SLU7: variants seen among roughly 807,000 people sequenced by gnomAD.
The protein encoded by SLU7 is spliceosome associated SLU7.
SLU7 carries 60 observed loss-of-function variants against 87.0 expected under a neutral mutation model. The observed-to-expected ratio is 0.69, with a 90% confidence interval of 0.56 to 0.86. SLU7 has a LOEUF of 0.86. Among genes scored for constraint, SLU7 ranks in the 40% least tolerant of loss-of-function variants. The pLI, the probability that SLU7 is intolerant of heterozygous loss-of-function variation, is 0.00. For synonymous variants in SLU7, 197 were observed against 222.0 expected (o/e 0.89, Z 1.00); for missense variants, 507 against 686.6 (o/e 0.74, Z 2.92).
intron 2 of SLU7, among the ~76,000 whole-genome samples, 167 bp from the exon 3 acceptor site, chr5:160,414,639 A>G (rs1272990516): frequency 6.6e-6 from 1 of 152,210 alleles, no homozygotes; most frequent in African/African-American, 2.4e-5. Flanking sequence ...ATAATTAAAA[A>G]TAAAGAAGTA....
Position 160,408,682 on chromosome 5 carries a change from G to A in SLU7, c.655C>T (p.Gln219Ter). Residue 219 changes from glutamine to a stop codon, truncating the protein, a stop_gained, in exon 7 of 16, where the codon CAG (glutamine) becomes TAG (stop). Coordinates refer to ENST00000297151, the MANE Select transcript of SLU7 (RefSeq NM_006425.5). LOFTEE classifies it high-confidence loss of function. ...GAATTTGGTTCCTCTTCTCCCCACT[G>A]GTGTTTTGGAGAATTCTGCATCATG... Reference protein sequence around the residue: ...LVEQANSPKHQWGEEEPNSQM... With the variant: ...LVEQANSPKH 2.6e-6 allele frequency: 4 copies of A among 1,559,572 alleles called. No individual in the cohort carries two copies. Among genetic ancestry groups the A allele is most frequent in the Non-Finnish European group, 3.5e-6 (4 of 1,143,526 alleles).
At chr5:160,413,780 A>G in intron 4 of SLU7, 119 bp downstream of exon 4, 1 of 951,486 alleles carries the variant, frequency 1.1e-6, no homozygotes, top group Non-Finnish European at 1.6e-6. Flanking sequence ...ACTGAAACTA[A>G]TTTTTATTTA....
rs1180863509 is a variant in SLU7, at chr5:160,406,483, C to A, written c.1272G>T (p.Lys424Asn). Residue 424 changes from lysine (K) to asparagine (N), a missense_variant, in exon 12 of 16, where the codon AAG (lysine) becomes AAT (asparagine). Lys to Asn is a moderately conservative substitution (Grantham distance 94). Transcript: ENST00000297151. The stretch of plus-strand genomic sequence containing the variant: ...TAGCACATACTGTGTGATTGTGGAT[C>A]TTCACATCCTCCTCATACTTAGAGC... ...VACSKYEEDV[K>N]IHNHTHIWGS... The A allele has an allele frequency of 6.2e-7, 1 of 1,609,062 alleles. No homozygotes were observed. The highest frequency in any genetic ancestry group is 1.3e-5 in the African/African-American group (1 of 74,410).
At chr5:160,414,508 T>C in intron 2 of SLU7, 36 bp from the exon 3 acceptor site, 1 of 1,369,740 alleles carries the variant, frequency 7.3e-7, no homozygotes. Flanking sequence ...AATTTAAGGA[T>C]AAAATTGGAA....
chr5:160,414,783 AAAT>A (rs1561563812), intron 2 of SLU7, among the ~76,000 whole-genome samples: 1 of 152,234 alleles, frequency 6.6e-6, no homozygotes, highest in Non-Finnish European at 1.5e-5. Context: ...GTTTTGGTTC[AAAT>A]AATGTCTATA....
chr5:160,413,332 G>GTAC (rs55676017), intron 5 of SLU7, 124 bp downstream of exon 5: 520,158 of 730,750 alleles, frequency 0.71, 187,516 homozygotes, highest in Admixed American at 0.76. Context: ...CTATACAGTA[G>GTAC]TACTACTATT....
At chr5:160,404,645 G>T in intron 14 of SLU7, 89 bp from the exon 15 acceptor site, 1 of 985,186 alleles carries the variant, frequency 1.0e-6, no homozygotes, top group Non-Finnish European at 1.6e-6. Flanking sequence ...AGAATCACTT[G>T]AACCCAGGAG....
rs1765331281 is a variant in SLU7, at chr5:160,413,638, T to C, written c.406-18A>G. On this transcript the variant is annotated intron_variant, in intron 4 of 15. Transcript: ENST00000297151. ...CTAGGTCTCTAAAAACAGAGTAAGA[T>C]TTAATCTTTTCCTAAGTTTTTATGG... 1.9e-6 allele frequency: 3 copies of C among 1,594,934 alleles called. No homozygotes were observed. Among genetic ancestry groups the C allele is most frequent in the Non-Finnish European group, 2.6e-6 (3 of 1,172,784 alleles).
chr5:160,403,217 A>C lies in SLU7; in HGVS notation c.*68T>G. The C allele has an allele frequency of 8.1e-7, 1 of 1,234,262 alleles. No individual in the cohort carries two copies. Among genetic ancestry groups the C allele is most frequent in the Middle Eastern group, 2.0e-4 (1 of 5,096 alleles). The allele number at this position is 1,234,262 out of a possible 1,614,324, so 76.5% of individuals were successfully genotyped here. On this transcript the variant is annotated 3_prime_UTR_variant, in exon 16 of 16. Transcript: ENST00000297151. ...AATAAACAAGGATTTTTCTATCTAC[A>C]ATCATCAATAAGAAGCTGAAAAGAA... is the stretch of plus-strand genomic sequence containing the variant.
chr5:160,406,955 A>G (rs1765040202), intron 11 of SLU7, among the ~76,000 whole-genome samples: 1 of 152,212 alleles, frequency 6.6e-6, no homozygotes, highest in South Asian at 2.1e-4. Flanking sequence ...TCTGGGCCTG[A>G]CCATGTTATT....
chr5:160,410,498 A>C (rs997051009), intron 6 of SLU7, among the ~76,000 whole-genome samples: 1 of 152,152 alleles, frequency 6.6e-6, no homozygotes, highest in African/African-American at 2.4e-5. Context: ...CAGCACACCA[A>C]CATGGCACAT....
intron 1 of SLU7, among the ~76,000 whole-genome samples, chr5:160,415,935 C>T (rs1352255242): frequency 6.6e-6 from 1 of 152,052 alleles, no homozygotes; most frequent in African/African-American, 2.4e-5. Context: ...CTCTGTTGCC[C>T]AGGCTGGAGT....
At chr5:160,408,818 A>G (rs1285653923) in intron 6 of SLU7, 121 bp from the exon 7 acceptor site, 2 of 176,196 alleles carry the variant, frequency 1.1e-5, no homozygotes, top group African/African-American at 5.0e-5. Flanking sequence ...ATAATAAAAT[A>G]TATTTTATTA....
chr5:160,418,627 C>T (rs1445976940), intron 1 of SLU7: 1 of 152,144 alleles, frequency 6.6e-6, no homozygotes, highest in Non-Finnish European at 1.5e-5. Context: ...CGCATGATAC[C>T]CCACTGAAGT....
chr5:160,407,441 CAGA>C lies in SLU7; in HGVS notation c.1125+32_1125+34del, dbSNP rs766462356. 1.1e-5 allele frequency: 17 copies of C among 1,576,722 alleles called. 1 individual carries two copies. In the South Asian group the frequency reaches 1.7e-4, roughly 16 times the overall value. On this transcript the variant is annotated intron_variant, in intron 11 of 15. Coordinates refer to ENST00000297151, the MANE Select transcript of SLU7 (RefSeq NM_006425.5). This position sits in a 1 kb window ranked among gnomAD's most constrained non-coding sequence, Gnocchi z 4.2. ...TTATTAACTAGTAACTTCTCTTTAA[CAGA>C]AGTTCTTCTTTAGCATTTTGGTCAA...
At position 160,402,454 on chromosome 5, in the gene SLU7, T is replaced by C. The variant is rs1248505101; in HGVS notation, c.*831A>G. The C allele has an allele frequency of 6.6e-6, 1 of 152,164 alleles. No homozygotes were observed. The highest frequency in any genetic ancestry group is 1.5e-5 in the Non-Finnish European group (1 of 68,024). The allele number at this position is 152,164 out of a possible 1,614,324, so 9.4% of individuals were successfully genotyped here. ...GCTTGAGCCCAAGACTGCAGGGCATTATGACTTTGTCTGTGAAAAGCCACT... is the reference window on the plus strand; with the variant it reads ...GCTTGAGCCCAAGACTGCAGGGCATCATGACTTTGTCTGTGAAAAGCCACT... On this transcript the variant is annotated 3_prime_UTR_variant, in exon 16 of 16. Coordinates refer to ENST00000297151, the MANE Select transcript of SLU7 (RefSeq NM_006425.5).
chr5:160,407,095 G>A lies in SLU7; in HGVS notation c.1125+381C>T, dbSNP rs1480271487. ...AAAAAGCTGTGCTACCCTACTAGAGGATGAAAGACCACATGGGGTGGAGAT... is the reference window on the plus strand; with the variant it reads ...AAAAAGCTGTGCTACCCTACTAGAGAATGAAAGACCACATGGGGTGGAGAT... On this transcript the variant is annotated intron_variant, in intron 11 of 15. Transcript: ENST00000297151. This position sits in a 1 kb window ranked among gnomAD's most constrained non-coding sequence, Gnocchi z 4.2. Among the ~76,000 whole-genome samples, 1 of 152,168 alleles carries A rather than the reference G, an allele frequency of 6.6e-6. No individual in the cohort carries two copies. Among genetic ancestry groups the A allele is most frequent in the East Asian group, 1.9e-4 (1 of 5,196 alleles).
Position 160,408,075 on chromosome 5 carries a change from GA to G in SLU7, c.820-8del, listed in dbSNP as rs1364132424. The G allele has an allele frequency of 5.1e-6, 8 of 1,560,724 alleles. No homozygotes were observed. Among genetic ancestry groups the G allele is most frequent in the Middle Eastern group, 1.7e-4 (1 of 5,974 alleles). On this transcript the variant is annotated splice_polypyrimidine_tract_variant and splice_region_variant and intron_variant, in intron 8 of 15. Transcript: ENST00000297151. ...GATCTAAATTCCTCAAATACTAGAA[GA>G]AAAAAATATTTAAAGAATTAATGTT...
Position 160,407,663 on chromosome 5 carries a change from A to G in SLU7, c.986-48T>C. 6.2e-7 allele frequency: 1 copy of G among 1,603,444 alleles called. No individual in the cohort carries two copies. The highest frequency in any genetic ancestry group is 8.5e-7 in the Non-Finnish European group (1 of 1,175,928). Reference sequence around the variant, plus strand: ...AGTGAGTTGGCAGCTGCATTACTGTATGCTTCTTGAAAACAAGCTTTAAAC... The same window carrying G: ...AGTGAGTTGGCAGCTGCATTACTGTGTGCTTCTTGAAAACAAGCTTTAAAC... On this transcript the variant is annotated intron_variant, in intron 10 of 15. Coordinates refer to ENST00000297151, the MANE Select transcript of SLU7 (RefSeq NM_006425.5). The surrounding 1 kb of genome is among the most constrained non-coding windows in gnomAD (Gnocchi z 4.2).
Sources: gnomAD v4.1 joint callset for allele counts (sites outside exome capture counted in the v4.1 genomes callset) on GRCh38, gnomAD v4.1.1 for gene constraint, Gnocchi (gnomAD v3.1) non-coding constraint, MANE v1.5 for transcripts, NCBI Gene and HGNC (gene_info 2026-07-23, HGNC 2026-07-21) for gene names.